CSF2RA: variants seen among roughly 807,000 people sequenced by gnomAD.
CSF2RA encodes the protein colony stimulating factor 2 receptor subunit alpha, also known as granulocyte-macrophage colony-stimulating factor receptor subunit alpha.
A neutral mutation model predicts 51.6 loss-of-function variants in CSF2RA; 42 were observed. The ratio of observed to expected loss-of-function variants is 0.81; its 90% CI spans 0.64 to 1.05. The LOEUF (loss-of-function observed/expected upper bound fraction) is 1.05. Among genes scored for constraint, CSF2RA ranks in the 50% least tolerant of loss-of-function variants. The probability of loss-of-function intolerance (pLI) is 0.00; values close to 1 mark genes in which losing one functional copy is unlikely to be tolerated. For missense variants in CSF2RA, 530 were observed against 501.1 expected, an observed-to-expected ratio of 1.06 and a Z score of -0.55; for synonymous variants, 222 against 193.0, an observed-to-expected ratio of 1.15 and a Z score of -1.24.
At chrX:1,269,217 G>C (rs2088006647) in intron 1 of CSF2RA, among the ~76,000 whole-genome samples, 1 of 152,178 alleles carries the variant, frequency 6.6e-6, no homozygotes, top group Non-Finnish European at 1.5e-5. Flanking sequence ...AAAAACAATT[G>C]ATTAATGATT....
intron 2 of CSF2RA, among the ~76,000 whole-genome samples, chrX:1,276,573 C>A (rs1229838276): frequency 7.9e-5 from 12 of 151,072 alleles, no homozygotes; most frequent in Non-Finnish European, 4.4e-5. Context: ...AGGGTTTCAC[C>A]GTATTGTCCA....
chrX:1,317,679 C>T, the CSF2RA span, among the ~76,000 whole-genome samples: 21 of 151,372 alleles, frequency 1.4e-4, no homozygotes, highest in African/African-American at 3.6e-4. Context: ...GTAACGTGCA[C>T]GCACAGAAGC....
intron 9 of CSF2RA, among the ~76,000 whole-genome samples, chrX:1,299,397 T>G (rs113788775): frequency 6.6e-6 from 1 of 152,176 alleles, no homozygotes; most frequent in Non-Finnish European, 1.5e-5. Context: ...TCTGTTAATA[T>G]CAGTTGTTGA....
intron 7 of CSF2RA, among the ~76,000 whole-genome samples, chrX:1,292,232 C>T (rs1475698838): frequency 5.3e-5 from 8 of 152,162 alleles, no homozygotes; most frequent in African/African-American, 9.7e-5. Context: ...TCCACATTTA[C>T]GTGGACACAG....
intron 9 of CSF2RA, among the ~76,000 whole-genome samples, chrX:1,295,780 A>G (rs1425190970): frequency 1.3e-5 from 2 of 149,184 alleles, no homozygotes; most frequent in Non-Finnish European, 3.0e-5. Flanking sequence ...TTGTCCCACA[A>G]CCACCTGGAC....
At chrX:1,294,289 C>A (rs772014085) in intron 7 of CSF2RA, 39 bp from the exon 8 acceptor site, 7 of 1,611,424 alleles carry the variant, frequency 4.3e-6, no homozygotes, top group Non-Finnish European at 5.9e-6. Context: ...TAGACAGGAC[C>A]TCTCGGGTTC....
intron 12 of CSF2RA, among the ~76,000 whole-genome samples, chrX:1,309,092 G>A (rs1477126045): frequency 4.6e-5 from 7 of 152,084 alleles, no homozygotes; most frequent in East Asian, 1.9e-4. Flanking sequence ...AGCTGGTGGC[G>A]GCTAAAGGGG....
At chrX:1,303,398 G>T (rs1464458413) in intron 10 of CSF2RA, 1 of 431,390 alleles carries the variant, frequency 2.3e-6, no homozygotes, top group East Asian at 3.4e-5. Context: ...ACCATGCCTG[G>T]CTAATTTTGT....
chrX:1,280,471 CAAAAAAAAA>C (rs750353851), intron 2 of CSF2RA, among the ~76,000 whole-genome samples: 1 of 129,438 alleles, frequency 7.7e-6, no homozygotes, highest in Non-Finnish European at 1.7e-5. Context: ...AACTCCGTCT[CAAAAAAAAA>C]AAAAAAAAAA....
chrX:1,313,252 G>T (rs755068910), downstream of CSF2RA, among the ~76,000 whole-genome samples: 1 of 150,946 alleles, frequency 6.6e-6, no homozygotes, highest in Admixed American at 6.6e-5. Context: ...GGTGAAACTC[G>T]TCTCTACTAC....
chrX:1,316,179 GGATA>G, the CSF2RA span, among the ~76,000 whole-genome samples: 982 of 151,412 alleles, frequency 6.5e-3, 8 homozygotes, highest in African/African-American at 0.023. Context: ...CTAGACAGAT[GGATA>G]GATAGACACA....
At chrX:1,311,271 A>G (rs1407870355), downstream of CSF2RA, among the ~76,000 whole-genome samples, 3 of 150,972 alleles carry the variant, frequency 2.0e-5, no homozygotes, top group Non-Finnish European at 3.0e-5. Context: ...AGGTAAAAAG[A>G]AAAAGAGGCT....
intron 11 of CSF2RA, 75 bp downstream of exon 11, chrX:1,304,094 G>C: frequency 8.1e-7 from 1 of 1,230,908 alleles, no homozygotes; most frequent in Non-Finnish European, 1.2e-6. Flanking sequence ...TCCAGTCTCT[G>C]TCTCTGTCTC....
intron 2 of CSF2RA, among the ~76,000 whole-genome samples, chrX:1,281,204 ACTCC>A (rs2090002171): frequency 4.0e-5 from 1 of 25,176 alleles, no homozygotes; most frequent in Non-Finnish European, 8.4e-5. Context: ...TCCTTCTCCT[ACTCC>A]TCCTTCTCCT....
At chrX:1,311,179 G>A (rs2084164745), downstream of CSF2RA, among the ~76,000 whole-genome samples, 2 of 151,622 alleles carry the variant, frequency 1.3e-5, no homozygotes, top group African/African-American at 4.8e-5. Context: ...AACCCGGGAG[G>A]CGGAGGTGGC....
the CSF2RA span, among the ~76,000 whole-genome samples, chrX:1,324,893 A>G: frequency 6.6e-6 from 1 of 152,226 alleles, no homozygotes; most frequent in South Asian, 2.1e-4. Context: ...CCTCCTTGTC[A>G]GAGCCCTGTG....
downstream of CSF2RA, chrX:1,309,977 C>A (rs2084083797): frequency 6.0e-6 from 3 of 496,488 alleles, no homozygotes; most frequent in Non-Finnish European, 1.1e-5. Flanking sequence ...TGGAGGATTG[C>A]TGGAGACAGG....
At chrX:1,292,992 G>A (rs1373952410) in intron 7 of CSF2RA, among the ~76,000 whole-genome samples, 1 of 152,114 alleles carries the variant, frequency 6.6e-6, no homozygotes, top group Admixed American at 6.6e-5. Context: ...GGTGTCCCTG[G>A]TTAATAGAGA....
the CSF2RA span, among the ~76,000 whole-genome samples, chrX:1,322,359 A>G: frequency 4.9e-5 from 7 of 142,400 alleles, no homozygotes; most frequent in East Asian, 2.1e-4. Flanking sequence ...TGATCCGTCC[A>G]CCTCAGCCTC....
Sources: gnomAD v4.1 joint callset for allele counts (sites outside exome capture counted in the v4.1 genomes callset) on GRCh38, gnomAD v4.1.1 for gene constraint, MANE v1.5 for transcripts, NCBI Gene and HGNC (gene_info 2026-07-23, HGNC 2026-07-21) for gene names.